The following NCKAP5 variants were observed in gnomAD, a reference collection of about 807,000 sequenced individuals.
NCKAP5 encodes nck-associated protein 5.
Under a neutral mutation model 167.0 loss-of-function variants are expected in NCKAP5, and 92 were observed. That is an observed-to-expected ratio of 0.55 (90% CI 0.47 to 0.66). The LOEUF (loss-of-function observed/expected upper bound fraction) is 0.66, where lower values mean the gene tolerates loss of function less well. Among genes scored for constraint, NCKAP5 ranks in the 30% least tolerant of loss-of-function variants. The pLI, the probability that NCKAP5 is intolerant of heterozygous loss-of-function variation, is 0.00. For synonymous variants in NCKAP5, 891 were observed against 877.4 expected, an observed-to-expected ratio of 1.02 and a Z score of -0.27; for missense variants, 2,378 against 2,315.0, an observed-to-expected ratio of 1.03 and a Z score of -0.56.
At chr2:133,627,506 G>A in the NCKAP5 span, among the ~76,000 whole-genome samples, 1 of 152,146 alleles carries the variant, frequency 6.6e-6, no homozygotes, top group African/African-American at 2.4e-5. Context: ...CAGGCACAGT[G>A]CTTCACGCCT....
chr2:133,153,722 C>A (rs2149898213), intron 5 of NCKAP5, among the ~76,000 whole-genome samples: 1 of 151,328 alleles, frequency 6.6e-6, no homozygotes, highest in South Asian at 2.1e-4. Context: ...TCCTACTGTT[C>A]TTTTCCTTGG....
At chr2:133,237,172 A>T (rs61600762) in intron 4 of NCKAP5, among the ~76,000 whole-genome samples, 2,415 of 151,980 alleles carry the variant, frequency 0.016, 70 homozygotes, top group African/African-American at 0.055. Context: ...TGCTTATTTT[A>T]AAAAAAAGCT....
At chr2:133,590,061 GCTC>G in the NCKAP5 span, among the ~76,000 whole-genome samples, 2 of 152,130 alleles carry the variant, frequency 1.3e-5, no homozygotes, top group East Asian at 3.9e-4. Flanking sequence ...GTTAACCGGG[GCTC>G]CTCAACTCCA....
chr2:133,531,859 A>C (rs537197434), intron 2 of NCKAP5, among the ~76,000 whole-genome samples: 14 of 152,336 alleles, frequency 9.2e-5, no homozygotes, highest in African/African-American at 3.1e-4. Flanking sequence ...ACACAGATTA[A>C]TCTTGTGCCA....
intron 11 of NCKAP5, among the ~76,000 whole-genome samples, chr2:132,803,967 A>AT: frequency 6.6e-6 from 1 of 152,344 alleles, no homozygotes; most frequent in Admixed American, 6.5e-5. Context: ...AGGCCAGTGT[A>AT]TTAACCACAC....
chr2:132,684,992 A>G (rs566136321), intron 19 of NCKAP5, among the ~76,000 whole-genome samples: 13 of 152,336 alleles, frequency 8.5e-5, no homozygotes, highest in Admixed American at 7.2e-4. Context: ...GACCCCTGTG[A>G]TATCACAGCA....
At chr2:132,929,723 G>C (rs768155458) in intron 8 of NCKAP5, among the ~76,000 whole-genome samples, 48 of 152,196 alleles carry the variant, frequency 3.2e-4, no homozygotes, top group South Asian at 2.1e-3. Flanking sequence ...ATCAAACTCA[G>C]TATGATTTGC....
chr2:132,741,988 A>G (rs779691041), intron 16 of NCKAP5, among the ~76,000 whole-genome samples: 2 of 152,082 alleles, frequency 1.3e-5, no homozygotes, highest in Non-Finnish European at 2.9e-5. Context: ...GACTCATTAC[A>G]TTCCCAGATC....
chr2:132,865,250 G>A (rs1229039757), intron 10 of NCKAP5, among the ~76,000 whole-genome samples: 1 of 152,158 alleles, frequency 6.6e-6, no homozygotes, highest in Non-Finnish European at 1.5e-5. Context: ...ATACTGCACA[G>A]GAAGTAGTGA....
In NCKAP5 at chr2:133,213,725, C is replaced by A; in HGVS notation, c.198G>T (p.Glu66Asp). The A allele has an allele frequency of 1.2e-5, 19 of 1,613,732 alleles. No individual in the cohort carries two copies. The highest frequency in any genetic ancestry group is 1.5e-5 in the Non-Finnish European group (18 of 1,179,770). ...GGCAGTCAGGACTTACCATGGCCCC[C>A]TCACTTGTTCTTTGGGCAACTTCTC... Reference protein sequence around the residue: ...LQREVAQRTSEGAMHEKLIHE... With the variant: ...LQREVAQRTSDGAMHEKLIHE... Residue 66 changes from glutamate to aspartate, a missense_variant, in exon 5 of 20, where the codon GAG becomes GAT. Physicochemically the swap from Glu to Asp is conservative, Grantham distance 45 (BLOSUM62 2). Coordinates refer to ENST00000409261, the MANE Select transcript of NCKAP5 (RefSeq NM_207363.3).
At chr2:133,124,917 G>A (rs752194355) in intron 6 of NCKAP5, among the ~76,000 whole-genome samples, 1 of 152,096 alleles carries the variant, frequency 6.6e-6, no homozygotes, top group Non-Finnish European at 1.5e-5. Context: ...GTGGTGACAC[G>A]CACCTATAGT....
At position 132,785,417 on chromosome 2, in the gene NCKAP5, T is replaced by G. The variant is rs202210979; in HGVS notation, c.1394A>C (p.His465Pro). 2 of 1,613,916 alleles carry G rather than the reference T, an allele frequency of 1.2e-6. No homozygotes were observed. Among genetic ancestry groups the G allele is most frequent in the African/African-American group, 2.7e-5 (2 of 75,052 alleles). ...ATCTAGATCATAAACAAATGTCTTGTGGGGTTCCTTGCAGGGGCTCCCCAG... is the reference window on the plus strand; with the variant it reads ...ATCTAGATCATAAACAAATGTCTTGGGGGGTTCCTTGCAGGGGCTCCCCAG... ...ADLGSPCKEP[H>P]KTFVYDLDSH... Residue 465 changes from histidine to proline, a missense_variant, in exon 14 of 20, where the codon CAC becomes CCC. His to Pro is a moderately conservative substitution (Grantham distance 77). Transcript: ENST00000409261.
chr2:133,608,090 T>C, the NCKAP5 span, among the ~76,000 whole-genome samples: 2 of 152,232 alleles, frequency 1.3e-5, no homozygotes, highest in African/African-American at 4.8e-5. Flanking sequence ...TAATATTTCA[T>C]CTATTTCCAA....
chr2:133,319,784 C>T (rs1681899304), intron 3 of NCKAP5, among the ~76,000 whole-genome samples: 1 of 152,106 alleles, frequency 6.6e-6, no homozygotes, highest in Admixed American at 6.5e-5. Context: ...AACGGAACAT[C>T]AGGAAACTTA....
intron 16 of NCKAP5, among the ~76,000 whole-genome samples, chr2:132,769,717 C>T (rs1419142552): frequency 6.6e-6 from 1 of 152,244 alleles, no homozygotes; most frequent in Non-Finnish European, 1.5e-5. Flanking sequence ...AACATGCTAA[C>T]TTTCCCAGCA....
At chr2:132,802,536 G>T (rs1685123431) in intron 11 of NCKAP5, among the ~76,000 whole-genome samples, 1 of 152,144 alleles carries the variant, frequency 6.6e-6, no homozygotes, top group Non-Finnish European at 1.5e-5. Flanking sequence ...GAGTTATTAT[G>T]AAATCTCCTG....
intron 4 of NCKAP5, among the ~76,000 whole-genome samples, chr2:133,246,325 T>C (rs1435811694): frequency 6.6e-6 from 1 of 151,878 alleles, no homozygotes; most frequent in African/African-American, 2.4e-5. Context: ...GTTAAAAATA[T>C]GTATCCCTTT....
chr2:132,974,758 G>A (rs1163656023), intron 7 of NCKAP5, among the ~76,000 whole-genome samples: 1 of 152,174 alleles, frequency 6.6e-6, no homozygotes, highest in Admixed American at 6.5e-5. Flanking sequence ...ATTCCTCTAC[G>A]GAGTTGGTGT....
chr2:132,933,026 G>T (rs201821676), intron 8 of NCKAP5, among the ~76,000 whole-genome samples: 2 of 134,346 alleles, frequency 1.5e-5, no homozygotes, highest in Admixed American at 1.6e-4. Context: ...CCGGGTTCAC[G>T]CCATTCTCCT....
Sources: gnomAD v4.1 joint callset for allele counts (sites outside exome capture counted in the v4.1 genomes callset) on GRCh38, gnomAD v4.1.1 for gene constraint, MANE v1.5 for transcripts, NCBI Gene and HGNC (gene_info 2026-07-23, HGNC 2026-07-21) for gene names.